The following C3orf52 variants were observed in gnomAD, a reference collection of about 807,000 sequenced individuals.
C3orf52 encodes chromosome 3 open reading frame 52, also known as TPA-induced transmembrane protein.
C3orf52 carries 22 observed loss-of-function variants against 24.8 expected under a neutral mutation model. The observed-to-expected ratio is 0.89, with a 90% confidence interval of 0.63 to 1.27. C3orf52 has a LOEUF of 1.27. Among genes scored for constraint, C3orf52 ranks in the 50% most tolerant of loss-of-function variants. C3orf52 has a pLI of 0.00. For missense variants in C3orf52, 265 were observed against 260.7 expected (o/e 1.02, Z -0.11); for synonymous variants, 93 against 100.2 (o/e 0.93, Z 0.43).
exon 5 of C3orf52, chr3:112,128,518 C>T: frequency 3.3e-6 from 1 of 298,910 alleles, no homozygotes; most frequent in Non-Finnish European, 6.6e-6. Context: ...ATATTCTACA[C>T]TAGAATGTGA....
In C3orf52 at chr3:112,117,201, C is replaced by T. The variant is rs546038888; in HGVS notation, c.*555C>T. On this transcript the variant is annotated 3_prime_UTR_variant, in exon 6 of 6. Coordinates refer to ENST00000264848, the MANE Select transcript of C3orf52 (RefSeq NM_024616.3). ...CTGAAGTCATCCTCCTCCCCCCCAC[C>T]ATTCGATTTGATCTACCTCTAAGCC... 8 of 535,962 alleles carry T rather than the reference C, an allele frequency of 1.5e-5. No individual in the cohort carries two copies. The highest frequency in any genetic ancestry group is 3.3e-5 in the Admixed American group (1 of 30,408). The allele number at this position is 535,962 out of a possible 1,614,324, so 33.2% of individuals were successfully genotyped here.
chr3:112,100,992 C>A (rs146581941), intron 2 of C3orf52, among the ~76,000 whole-genome samples: 32 of 152,232 alleles, frequency 2.1e-4, no homozygotes, highest in African/African-American at 7.5e-4. Flanking sequence ...CAAGATTATT[C>A]GTATTTTTTT....
chr3:112,117,200 C>T lies in C3orf52; in HGVS notation c.*554C>T, dbSNP rs2074143332. 3.7e-6 allele frequency: 2 copies of T among 536,322 alleles called. No individual in the cohort carries two copies. Among genetic ancestry groups the T allele is most frequent in the Non-Finnish European group, 6.6e-6 (2 of 303,112 alleles). The allele number at this position is 536,322 out of a possible 1,614,324, so 33.2% of individuals were successfully genotyped here. A position where few individuals can be genotyped will look rare whatever the true frequency, so the allele number is the denominator to read the frequency against. On this transcript the variant is annotated 3_prime_UTR_variant, in exon 6 of 6. Coordinates refer to ENST00000264848, the MANE Select transcript of C3orf52 (RefSeq NM_024616.3). ...ACTGAAGTCATCCTCCTCCCCCCCA[C>T]CATTCGATTTGATCTACCTCTAAGC...
chr3:112,101,059 CT>C (rs528921292), intron 2 of C3orf52, among the ~76,000 whole-genome samples: 15 of 151,496 alleles, frequency 9.9e-5, no homozygotes, highest in Non-Finnish European at 2.1e-4. Flanking sequence ...GAAGGCGTAA[CT>C]TTTTTTTTAA....
rs551443551 is a variant in C3orf52, at chr3:112,098,674, T to G, written c.269-4164T>G. ...TAGCTTATACATAACAGAAATTTATTGCTTACAGTTCTGGAGGCTGGGAAC... is the reference window on the plus strand; with the variant it reads ...TAGCTTATACATAACAGAAATTTATGGCTTACAGTTCTGGAGGCTGGGAAC... On this transcript the variant is annotated intron_variant, in intron 2 of 5. Coordinates refer to ENST00000264848, the MANE Select transcript of C3orf52 (RefSeq NM_024616.3). Among the ~76,000 whole-genome samples, 41 of 152,322 alleles carry G rather than the reference T, an allele frequency of 2.7e-4. No homozygotes were observed. The South Asian group carries it at 6.4e-3, about 24-fold the overall frequency.
chr3:112,092,991 C>G (rs1559969867), intron 1 of C3orf52, among the ~76,000 whole-genome samples: 1 of 152,186 alleles, frequency 6.6e-6, no homozygotes, highest in Non-Finnish European at 1.5e-5. Context: ...TTCACTCTCT[C>G]TAATCTTAAC....
chr3:112,132,803 C>G, downstream of C3orf52: 5 of 395,934 alleles, frequency 1.3e-5, no homozygotes, highest in Non-Finnish European at 1.9e-5. Context: ...AAAGTTGTTT[C>G]ATTTCTTAGG....
intron 5 of C3orf52, 36 bp downstream of exon 5, chr3:112,113,181 A>G: frequency 6.5e-7 from 1 of 1,529,022 alleles, no homozygotes; most frequent in Admixed American, 2.1e-5. Flanking sequence ...GAGTTGTGAC[A>G]ATAAACAGGT....
At chr3:112,104,062 C>T (rs76703654) in intron 3 of C3orf52, among the ~76,000 whole-genome samples, 7 of 152,152 alleles carry the variant, frequency 4.6e-5, no homozygotes, top group Admixed American at 1.3e-4. Flanking sequence ...AGGGCAGTGT[C>T]GGGAAAATAA....
At chr3:112,099,038 G>A (rs538315422) in intron 2 of C3orf52, among the ~76,000 whole-genome samples, 1 of 152,234 alleles carries the variant, frequency 6.6e-6, no homozygotes, top group East Asian at 1.9e-4. Context: ...ATTCTCATGA[G>A]ATCTGATGGT....
At chr3:112,095,582 G>T (rs2073917795) in intron 2 of C3orf52, among the ~76,000 whole-genome samples, 1 of 152,168 alleles carries the variant, frequency 6.6e-6, no homozygotes, top group Non-Finnish European at 1.5e-5. Flanking sequence ...AAAAGGTTAT[G>T]GGATAATATT....
chr3:112,101,058 AC>A lies in C3orf52; in HGVS notation c.269-1779del, dbSNP rs1331595301. ...CAAAATTTTTTGCTATGAAGGCGTA[AC>A]TTTTTTTTTAAATCATACAACATAA... On this transcript the variant is annotated intron_variant, in intron 2 of 5. Transcript: ENST00000264848. Among the ~76,000 whole-genome samples the A allele has an allele frequency of 7.2e-5, 11 of 152,108 alleles. 1 individual carries two copies. The highest frequency in any genetic ancestry group is 2.2e-4 in the African/African-American group (9 of 41,424).
intron 5 of C3orf52, among the ~76,000 whole-genome samples, chr3:112,115,484 A>G (rs944396165): frequency 6.6e-6 from 1 of 152,180 alleles, no homozygotes; most frequent in African/African-American, 2.4e-5. Context: ...AGTTTCCCAC[A>G]ATGGTAATGT....
At chr3:112,134,028 C>T (rs189399507), downstream of C3orf52, 458 of 152,356 alleles carry the variant, frequency 3.0e-3, 2 homozygotes, top group Non-Finnish European at 2.5e-3. Flanking sequence ...GACAGACAAG[C>T]GGCTGAACAT....
At chr3:112,100,141 C>G (rs963216192) in intron 2 of C3orf52, among the ~76,000 whole-genome samples, 1 of 152,178 alleles carries the variant, frequency 6.6e-6, no homozygotes, top group Non-Finnish European at 1.5e-5. Context: ...TGCCTCATCT[C>G]TCCTCGTTTC....
downstream of C3orf52, among the ~76,000 whole-genome samples, chr3:112,135,963 C>G (rs2074546917): frequency 6.6e-6 from 1 of 152,146 alleles, no homozygotes; most frequent in Admixed American, 6.6e-5. Context: ...GTTATGTTCT[C>G]TCACTGTAGC....
intron 1 of C3orf52, among the ~76,000 whole-genome samples, chr3:112,092,092 G>A (rs1339848840): frequency 6.6e-6 from 1 of 152,162 alleles, no homozygotes; most frequent in Non-Finnish European, 1.5e-5. Flanking sequence ...CTCGAGTGCC[G>A]GCTGCTGCTT....
intron 5 of C3orf52, 37 bp downstream of exon 5, chr3:112,113,182 A>G: frequency 6.5e-7 from 1 of 1,526,802 alleles, no homozygotes. Context: ...AGTTGTGACA[A>G]TAAACAGGTG....
downstream of C3orf52, chr3:112,119,463 T>G: frequency 1.4e-6 from 1 of 702,906 alleles, no homozygotes; most frequent in Non-Finnish European, 2.6e-6. Flanking sequence ...GGACGTTTTT[T>G]TGTAGGAAGT....
Sources: allele counts gnomAD v4.1 joint callset (sites outside exome capture counted in the v4.1 genomes callset), GRCh38; gene constraint gnomAD v4.1.1; transcripts MANE v1.5; gene names NCBI Gene and HGNC (gene_info 2026-07-23, HGNC 2026-07-21).